Variants in SLC67A1 observed in about 807,000 individuals in gnomAD.
The protein encoded by SLC67A1 is solute carrier family 67 member A1.
chr11:2,901,150 A>G, the SLC67A1 span, among the ~76,000 whole-genome samples: 7 of 152,222 alleles, frequency 4.6e-5, no homozygotes, highest in African/African-American at 1.4e-4. Context: ...AAGGTCAGAG[A>G]AACACTTTTT....
the SLC67A1 span, among the ~76,000 whole-genome samples, chr11:2,911,305 G>A: frequency 4.2e-3 from 633 of 152,060 alleles, 4 homozygotes; most frequent in African/African-American, 0.014. Context: ...GGCGCCCCAG[G>A]GAGAGGGAAG....
chr11:2,924,862 G>A, the SLC67A1 span: 12 of 659,052 alleles, frequency 1.8e-5, no homozygotes, highest in East Asian at 3.4e-4. The surrounding 1 kb of genome is among the most constrained non-coding windows in gnomAD (Gnocchi z 8.6). Context: ...GGTGTTCAGG[G>A]GAGTATTTCA....
chr11:2,912,700 C>A, the SLC67A1 span, among the ~76,000 whole-genome samples: 48 of 152,302 alleles, frequency 3.2e-4, no homozygotes, highest in East Asian at 8.7e-3. Context: ...GCCAGGCTGG[C>A]CTGAGGAGGG....
the SLC67A1 span, chr11:2,919,162 C>T: frequency 2.7e-5 from 17 of 630,408 alleles, no homozygotes; most frequent in Admixed American, 1.4e-4. Flanking sequence ...CTCATTGGCC[C>T]GGCTGGCATC....
chr11:2,905,628 G>A, the SLC67A1 span, among the ~76,000 whole-genome samples: 2 of 152,164 alleles, frequency 1.3e-5, no homozygotes, highest in Non-Finnish European at 2.9e-5. Context: ...ACAGTGCCGC[G>A]ATAAAAATAC....
the SLC67A1 span, among the ~76,000 whole-genome samples, chr11:2,912,810 G>A: frequency 4.6e-5 from 7 of 152,176 alleles, no homozygotes; most frequent in Non-Finnish European, 7.4e-5. Flanking sequence ...GATGGGGAGG[G>A]GCCATAGAGT....
the SLC67A1 span, chr11:2,922,186 G>A: frequency 1.1e-5 from 18 of 1,613,484 alleles, no homozygotes; most frequent in Middle Eastern, 3.3e-4. Context: ...GGTCTTCATC[G>A]TGGTGGGCCT....
chr11:2,913,019 T>C, the SLC67A1 span, among the ~76,000 whole-genome samples: 36 of 152,094 alleles, frequency 2.4e-4, no homozygotes, highest in East Asian at 1.6e-3. Context: ...AGGTGAGCAG[T>C]GTCCCATACG....
chr11:2,925,071 C>G, the SLC67A1 span: 11 of 1,613,770 alleles, frequency 6.8e-6, no homozygotes, highest in East Asian at 2.2e-4. The surrounding 1 kb of genome is among the most constrained non-coding windows in gnomAD (Gnocchi z 6.5). Context: ...GACCCACGGT[C>G]GGCGGCCTCC....
At chr11:2,909,809 CGT>C in the SLC67A1 span, 1 of 1,296,950 alleles carries the variant, frequency 7.7e-7, no homozygotes, top group South Asian at 1.6e-5. Flanking sequence ...CTCTTTTGCT[CGT>C]GGGGCGCGAG....
the SLC67A1 span, chr11:2,903,603 C>A: frequency 1.6e-6 from 2 of 1,214,436 alleles, no homozygotes; most frequent in Non-Finnish European, 1.2e-6. Flanking sequence ...GCTGCCAGGG[C>A]CCCTCCCAGT....
At chr11:2,910,467 C>T in the SLC67A1 span, among the ~76,000 whole-genome samples, 1 of 152,112 alleles carries the variant, frequency 6.6e-6, no homozygotes, top group Non-Finnish European at 1.5e-5. Flanking sequence ...AGGCCTGAAG[C>T]AGGAGAGGGA....
chr11:2,913,192 G>GC, the SLC67A1 span, among the ~76,000 whole-genome samples: 9 of 152,204 alleles, frequency 5.9e-5, no homozygotes, highest in Admixed American at 1.3e-4. Flanking sequence ...CAGGCCCGCC[G>GC]CCCCCCCAGC....
At chr11:2,909,353 C>T in the SLC67A1 span, 8 of 1,387,914 alleles carry the variant, frequency 5.8e-6, no homozygotes, top group African/African-American at 1.8e-4. Flanking sequence ...GCACACGCTG[C>T]CAGGTAGGGC....
chr11:2,908,410 G>C, the SLC67A1 span: 7 of 1,100,790 alleles, frequency 6.4e-6, no homozygotes, highest in Admixed American at 1.6e-4. Flanking sequence ...AGACGGGCCA[G>C]GTTCCCTGAC....
At chr11:2,910,089 G>A in the SLC67A1 span, among the ~76,000 whole-genome samples, 391 of 152,284 alleles carry the variant, frequency 2.6e-3, 2 homozygotes, top group African/African-American at 8.7e-3. Flanking sequence ...GCTGTTGGAC[G>A]GTGCCCAGAG....
chr11:2,915,587 G>A, the SLC67A1 span, among the ~76,000 whole-genome samples: 1 of 147,772 alleles, frequency 6.8e-6, no homozygotes, highest in African/African-American at 2.7e-5. Context: ...CCTGCCCTCA[G>A]GGGCCAGATT....
the SLC67A1 span, among the ~76,000 whole-genome samples, chr11:2,905,797 G>T: frequency 1.3e-5 from 2 of 152,210 alleles, no homozygotes; most frequent in Non-Finnish European, 2.9e-5. Flanking sequence ...TCAAGAGAAC[G>T]CAAGAGAAGT....
chr11:2,906,018 G>A, the SLC67A1 span, among the ~76,000 whole-genome samples: 3 of 152,314 alleles, frequency 2.0e-5, no homozygotes, highest in East Asian at 1.9e-4. Flanking sequence ...TTGGGTAGGC[G>A]AGGACAGGTG....
Sources: allele counts gnomAD v4.1 joint callset (sites outside exome capture counted in the v4.1 genomes callset), GRCh38; gene constraint gnomAD v4.1.1; non-coding constraint Gnocchi (gnomAD v3.1); transcripts MANE v1.5; gene names NCBI Gene and HGNC (gene_info 2026-07-23, HGNC 2026-07-21).